ZNF438: variants seen among roughly 807,000 people sequenced by gnomAD.
ZNF438 encodes the protein zinc finger protein 438.
A neutral mutation model predicts 38.0 loss-of-function variants in ZNF438; 25 were observed. The observed-to-expected ratio is 0.66, with a 90% CI of 0.48 to 0.92. The LOEUF (loss-of-function observed/expected upper bound fraction) is 0.92, where lower values mean the gene tolerates loss of function less well. ZNF438 is among the 40% of genes least tolerant of loss of function. ZNF438 has a pLI of 0.00. For missense variants in ZNF438, 1,007 were observed against 999.6 expected, an observed-to-expected ratio of 1.01 and a Z score of -0.10; for synonymous variants, 372 against 364.1, an observed-to-expected ratio of 1.02 and a Z score of -0.25.
At chr10:31,020,112 C>G (rs2056483579) in intron 1 of ZNF438, among the ~76,000 whole-genome samples, 1 of 152,138 alleles carries the variant, frequency 6.6e-6, no homozygotes, top group Non-Finnish European at 1.5e-5. Context: ...GAGAAAAACA[C>G]ATTTCAAATC....
intron 4 of ZNF438, among the ~76,000 whole-genome samples, chr10:30,860,693 A>T (rs189643415): frequency 1.3e-5 from 2 of 152,258 alleles, no homozygotes; most frequent in Non-Finnish European, 1.5e-5. Flanking sequence ...ATCCCAGTTG[A>T]TAAAGTGCTA....
intron 1 of ZNF438, among the ~76,000 whole-genome samples, chr10:30,960,852 C>T (rs73252669): frequency 0.013 from 1,895 of 145,974 alleles, 95 homozygotes; most frequent in African/African-American, 0.043. Flanking sequence ...TTCAAAATAA[C>T]ATAATCCTTT....
intron 1 of ZNF438, among the ~76,000 whole-genome samples, chr10:30,943,543 G>A (rs1282609337): frequency 6.6e-6 from 1 of 152,194 alleles, no homozygotes; most frequent in Non-Finnish European, 1.5e-5. Flanking sequence ...AACTGAGACA[G>A]TTAAAACACT....
chr10:30,979,980 T>C (rs1055489481), intron 1 of ZNF438, among the ~76,000 whole-genome samples: 14 of 152,218 alleles, frequency 9.2e-5, no homozygotes, highest in Admixed American at 9.2e-4. Flanking sequence ...TTCTTCTCTC[T>C]AAATCTACCT....
intron 1 of ZNF438, among the ~76,000 whole-genome samples, chr10:30,977,321 A>G (rs1048488990): frequency 4.6e-5 from 7 of 152,206 alleles, no homozygotes; most frequent in African/African-American, 1.7e-4. Context: ...TAACAAAGAG[A>G]CTCAAAAGTA....
At chr10:30,929,763 T>C (rs546981409) in intron 2 of ZNF438, among the ~76,000 whole-genome samples, 37 of 152,296 alleles carry the variant, frequency 2.4e-4, no homozygotes, top group African/African-American at 3.4e-4. Context: ...AGAGTGCTGA[T>C]TGGTGCATTT....
chr10:30,941,632 G>A (rs758349346), exon 2 of ZNF438: 1 of 151,200 alleles, frequency 6.6e-6, no homozygotes, highest in Non-Finnish European at 1.5e-5. Flanking sequence ...TACTGGATGG[G>A]AAATGGCATT....
At chr10:30,845,078 G>A (rs2031575198) in exon 6 of ZNF438, 7 of 1,614,154 alleles carry the variant, frequency 4.3e-6, no homozygotes, top group Non-Finnish European at 5.9e-6. Flanking sequence ...GGTGGAGGAG[G>A]TCCTCTTTCC....
chr10:30,906,138 G>A (rs924474290), intron 3 of ZNF438, among the ~76,000 whole-genome samples: 1 of 152,140 alleles, frequency 6.6e-6, no homozygotes, highest in East Asian at 1.9e-4. Flanking sequence ...ATTGAAACTA[G>A]AACAATTTGG....
chr10:30,973,757 C>G (rs2051009393), intron 1 of ZNF438, among the ~76,000 whole-genome samples: 1 of 152,186 alleles, frequency 6.6e-6, no homozygotes, highest in South Asian at 2.1e-4. Flanking sequence ...GGCTCTTCCT[C>G]CAGAATCCGG....
At chr10:30,867,669 G>A (rs2036686583) in intron 4 of ZNF438, among the ~76,000 whole-genome samples, 1 of 152,056 alleles carries the variant, frequency 6.6e-6, no homozygotes, top group Admixed American at 6.6e-5. Context: ...AGTACGAGTG[G>A]GCAGGTTTGT....
At chr10:30,894,927 G>C (rs1206825714) in intron 3 of ZNF438, among the ~76,000 whole-genome samples, 1 of 152,140 alleles carries the variant, frequency 6.6e-6, no homozygotes, top group Non-Finnish European at 1.5e-5. Context: ...TTTAGGTTGG[G>C]ATAAAGTTAA....
intron 1 of ZNF438, among the ~76,000 whole-genome samples, chr10:30,980,322 T>C (rs1052233680): frequency 4.0e-5 from 6 of 150,430 alleles, no homozygotes; most frequent in African/African-American, 1.5e-4. Flanking sequence ...AATGAGGAGA[T>C]AAGGAAGGCC....
rs1162153398 is a variant in ZNF438 at position 30,937,384 on chromosome 10, A to G, written c.-115+4191T>C. Among the ~76,000 whole-genome samples, 7 of 152,228 alleles carry G rather than the reference A, an allele frequency of 4.6e-5. No homozygotes were observed. In the East Asian group the frequency reaches 1.2e-3, roughly 25 times the overall value. ...CTTAATGCTAGGGAACTGTGTGCTA[A>G]TAACTACTTTATACATGTGATTCTG... On this transcript the variant is annotated intron_variant, in intron 2 of 5. Transcript: ENST00000413025.
chr10:30,850,584 C>T (rs988209337), intron 4 of ZNF438, among the ~76,000 whole-genome samples: 1 of 152,150 alleles, frequency 6.6e-6, no homozygotes, highest in African/African-American at 2.4e-5. Flanking sequence ...TTCCTTAGCT[C>T]CTATTATGTT....
At chr10:30,868,138 C>G (rs2036783193) in intron 4 of ZNF438, among the ~76,000 whole-genome samples, 1 of 150,806 alleles carries the variant, frequency 6.6e-6, no homozygotes, top group African/African-American at 2.4e-5. Context: ...GGCACGATCT[C>G]AACTCACTGC....
At chr10:30,961,394 C>T (rs2049474009) in intron 1 of ZNF438, among the ~76,000 whole-genome samples, 2 of 146,592 alleles carry the variant, frequency 1.4e-5, no homozygotes, top group African/African-American at 4.9e-5. Context: ...CTCCTGGGCT[C>T]AGGCGATCCT....
chr10:30,977,193 A>C (rs967132309), intron 1 of ZNF438, among the ~76,000 whole-genome samples: 1 of 152,232 alleles, frequency 6.6e-6, no homozygotes, highest in African/African-American at 2.4e-5. Context: ...TGTATTTTAA[A>C]AACTACTTTA....
At chr10:31,024,670 T>G (rs1434946630) in intron 1 of ZNF438, among the ~76,000 whole-genome samples, 1 of 152,164 alleles carries the variant, frequency 6.6e-6, no homozygotes, top group African/African-American at 2.4e-5. Flanking sequence ...CTAGATTTGC[T>G]TTCATCACTA....
Sources: allele counts gnomAD v4.1 joint callset (sites outside exome capture counted in the v4.1 genomes callset), GRCh38; gene constraint gnomAD v4.1.1; transcripts MANE v1.5; gene names NCBI Gene and HGNC (gene_info 2026-07-23, HGNC 2026-07-21).